Variants in NAALADL2 observed in about 807,000 individuals in gnomAD.
NAALADL2 encodes the protein N-acetylated alpha-linked acidic dipeptidase like 2, also known as inactive N-acetylated-alpha-linked acidic dipeptidase-like protein 2.
Under a neutral mutation model 87.2 loss-of-function variants are expected in NAALADL2, and 76 were observed. That is an observed-to-expected ratio of 0.87 (90% CI 0.72 to 1.05). The LOEUF (loss-of-function observed/expected upper bound fraction) is 1.05. Ranked by LOEUF, NAALADL2 falls within the 50% of genes least tolerant of loss-of-function variation. The pLI is 0.00. For missense variants in NAALADL2, 1,089 were observed against 945.8 expected (o/e 1.15, Z -1.99); for synonymous variants, 354 against 331.0 (o/e 1.07, Z -0.75).
intron 11 of NAALADL2, among the ~76,000 whole-genome samples, chr3:175,698,689 A>G (rs1161046364): frequency 6.6e-6 from 1 of 151,534 alleles, no homozygotes; most frequent in South Asian, 2.1e-4. Context: ...AATTCGTGTC[A>G]TGTGCCACAA....
At chr3:174,797,996 A>G (rs1322694333) in intron 3 of NAALADL2, among the ~76,000 whole-genome samples, 1 of 150,362 alleles carries the variant, frequency 6.7e-6, no homozygotes, top group East Asian at 2.0e-4. Flanking sequence ...TAGCTCTTAC[A>G]TTTATGTCTG....
intron 3 of NAALADL2, among the ~76,000 whole-genome samples, chr3:174,838,415 T>G (rs1033040406): frequency 1.3e-5 from 2 of 152,080 alleles, no homozygotes; most frequent in African/African-American, 2.4e-5. Flanking sequence ...TTGAAATCAT[T>G]CCCTGTGAGA....
At chr3:174,914,455 T>C (rs1734112513) in intron 1 of NAALADL2, among the ~76,000 whole-genome samples, 1 of 152,182 alleles carries the variant, frequency 6.6e-6, no homozygotes, top group Non-Finnish European at 1.5e-5. Flanking sequence ...GGGAAGTCGA[T>C]AGATCTGAAT....
At chr3:175,411,399 A>G (rs1713482799) in intron 5 of NAALADL2, among the ~76,000 whole-genome samples, 1 of 152,192 alleles carries the variant, frequency 6.6e-6, no homozygotes, top group African/African-American at 2.4e-5. Flanking sequence ...TCTGATTTTC[A>G]GAGAAGAGTG....
intron 3 of NAALADL2, among the ~76,000 whole-genome samples, chr3:174,794,029 A>G (rs905737869): frequency 1.3e-5 from 2 of 152,112 alleles, no homozygotes; most frequent in African/African-American, 2.4e-5. Flanking sequence ...TCCTTCCATT[A>G]CAAGTACAGT....
In NAALADL2 at chr3:175,718,195, G is replaced by GTTTTTTTTT. The variant is rs1244400650; in HGVS notation, c.1897-19091_1897-19083dup. 8.6e-5 allele frequency: 71 copies of GTTTTTTTTT among 823,378 alleles called. 20 individuals are homozygous for GTTTTTTTTT. Among genetic ancestry groups the GTTTTTTTTT allele is most frequent in the South Asian group, 2.9e-4 (16 of 54,356 alleles). 51.0% of individuals were successfully genotyped at this position (823,378 alleles called of 1,614,324 possible). A position where few individuals can be genotyped will look rare whatever the true frequency, so the allele number is the denominator to read the frequency against. On this transcript the variant is annotated intron_variant, in intron 11 of 13. Transcript: ENST00000454872. ...TGGAGGGGAAGGGGAAGGGCCTGTG[G>GTTTTTTTTT]TTTTTTTTTTTTTTTTTTTTTTTTT...
chr3:174,883,955 G>T (rs1187925738), intron 1 of NAALADL2, among the ~76,000 whole-genome samples: 1 of 152,136 alleles, frequency 6.6e-6, no homozygotes, highest in African/African-American at 2.4e-5. Flanking sequence ...GTAGTAGGCT[G>T]ATTTCATCTT....
chr3:174,796,415 A>C (rs1440106415), intron 3 of NAALADL2, among the ~76,000 whole-genome samples: 1 of 152,034 alleles, frequency 6.6e-6, no homozygotes, highest in Non-Finnish European at 1.5e-5. Context: ...CTATGGTACT[A>C]TATTCTATGC....
chr3:175,273,041 A>G (rs1753089014), intron 4 of NAALADL2, among the ~76,000 whole-genome samples: 1 of 152,254 alleles, frequency 6.6e-6, no homozygotes, highest in South Asian at 2.1e-4. Context: ...TCATTGATGT[A>G]CTAAATATTT....
intron 1 of NAALADL2, among the ~76,000 whole-genome samples, chr3:174,471,626 G>C (rs1045018553): frequency 6.6e-6 from 1 of 151,754 alleles, no homozygotes; most frequent in Non-Finnish European, 1.5e-5. Flanking sequence ...TAAAAATAAG[G>C]CCTCTGCAAA....
At chr3:175,300,970 G>C (rs1757013905) in intron 4 of NAALADL2, among the ~76,000 whole-genome samples, 1 of 151,890 alleles carries the variant, frequency 6.6e-6, no homozygotes, top group South Asian at 2.1e-4. Context: ...TCAACCTCAG[G>C]TGAGGTGGTC....
At chr3:175,020,326 A>G (rs760406035) in intron 1 of NAALADL2, among the ~76,000 whole-genome samples, 1 of 152,094 alleles carries the variant, frequency 6.6e-6, no homozygotes, top group Non-Finnish European at 1.5e-5. Flanking sequence ...AATTTTCTTA[A>G]GATGAAAAGA....
intron 1 of NAALADL2, among the ~76,000 whole-genome samples, chr3:174,873,164 G>C (rs973166046): frequency 2.6e-5 from 4 of 151,866 alleles, no homozygotes; most frequent in Admixed American, 6.6e-5. Context: ...TTAGTTTTAT[G>C]TAATGAATTA....
chr3:175,224,971 C>T (rs996286276), intron 2 of NAALADL2, among the ~76,000 whole-genome samples: 1 of 152,048 alleles, frequency 6.6e-6, no homozygotes, highest in African/African-American at 2.4e-5. Context: ...ATTTTTGTAA[C>T]CTGACATGTC....
intron 5 of NAALADL2, among the ~76,000 whole-genome samples, chr3:175,410,153 A>G (rs911113002): frequency 6.6e-6 from 1 of 152,164 alleles, no homozygotes; most frequent in Non-Finnish European, 1.5e-5. Context: ...TATAAAAGTA[A>G]TTACCAAAAG....
At chr3:174,565,345 C>G (rs1432174133) in intron 2 of NAALADL2, among the ~76,000 whole-genome samples, 4 of 151,982 alleles carry the variant, frequency 2.6e-5, no homozygotes, top group Non-Finnish European at 5.9e-5. Flanking sequence ...TCCCTTCCCC[C>G]AAATCCTTGG....
chr3:175,548,241 TC>T (rs1560739273), intron 9 of NAALADL2, among the ~76,000 whole-genome samples: 1 of 152,064 alleles, frequency 6.6e-6, no homozygotes, highest in Non-Finnish European at 1.5e-5. Context: ...ATGATATTTA[TC>T]CTTTGCAGGG....
intron 2 of NAALADL2, among the ~76,000 whole-genome samples, chr3:174,575,796 A>G (rs1483487345): frequency 2.0e-5 from 3 of 152,160 alleles, no homozygotes; most frequent in Non-Finnish European, 4.4e-5. Context: ...CACTTACTCT[A>G]TCCATATTTA....
chr3:174,897,831 C>CTTATCATTTGCAATAACATGGGCAGAATT (rs1553886852), intron 1 of NAALADL2, among the ~76,000 whole-genome samples: 4 of 150,290 alleles, frequency 2.7e-5, no homozygotes, highest in African/African-American at 1.0e-4. Flanking sequence ...AGAATGAGAT[C>CTTATCATTTGCAATAACATGGGCAGAATT]GGCCGGGCGC....
Sources: gnomAD v4.1 joint callset for allele counts (sites outside exome capture counted in the v4.1 genomes callset) on GRCh38, gnomAD v4.1.1 for gene constraint, MANE v1.5 for transcripts, NCBI Gene and HGNC (gene_info 2026-07-23, HGNC 2026-07-21) for gene names.